Variants in PRKAR1B observed in about 807,000 individuals in gnomAD.
PRKAR1B encodes the protein cAMP-dependent protein kinase type I-beta regulatory subunit.
Under a neutral mutation model 46.5 loss-of-function variants are expected in PRKAR1B, and 22 were observed. The observed-to-expected ratio is 0.47, with a 90% CI of 0.34 to 0.68. The LOEUF is 0.68. Ranked by LOEUF, PRKAR1B falls within the 30% of genes least tolerant of loss-of-function variation. The pLI is 0.01. For synonymous variants in PRKAR1B, 259 were observed against 217.7 expected, an observed-to-expected ratio of 1.19 and a Z score of -1.67; for missense variants, 445 against 535.6, an observed-to-expected ratio of 0.83 and a Z score of 1.67.
intron 6 of PRKAR1B, among the ~76,000 whole-genome samples, chr7:604,289 ACT>A (rs1781860429): frequency 6.6e-6 from 1 of 151,956 alleles, no homozygotes; most frequent in African/African-American, 2.4e-5. Context: ...GCAGGAGATG[ACT>A]CTGCGGCCTG....
chr7:578,894 C>T, intron 9 of PRKAR1B: 1 of 501,010 alleles, frequency 2.0e-6, no homozygotes, highest in Non-Finnish European at 2.9e-6. Flanking sequence ...GTTGGCCAGG[C>T]TGGTCTCGAA....
At chr7:728,855 C>T (rs1013611141), upstream of PRKAR1B, among the ~76,000 whole-genome samples, 1 of 152,186 alleles carries the variant, frequency 6.6e-6, no homozygotes, top group East Asian at 1.9e-4. Context: ...CACCTCTGGT[C>T]TCGGTCACAC....
At chr7:706,254 A>C (rs989204486) in intron 2 of PRKAR1B, among the ~76,000 whole-genome samples, 7 of 152,170 alleles carry the variant, frequency 4.6e-5, no homozygotes, top group Middle Eastern at 3.4e-3. Flanking sequence ...TGAGCCTGAG[A>C]GGTGGAGGTT....
At position 549,631 on chromosome 7, in the gene PRKAR1B, A is replaced by G. The variant is rs1331790544; in HGVS notation, c.*799T>C. 6.6e-6 allele frequency: 1 copy of G among 151,992 alleles called. No individual in the cohort carries two copies. Among genetic ancestry groups the G allele is most frequent in the Non-Finnish European group, 1.5e-5 (1 of 68,058 alleles). 9.4% of individuals were successfully genotyped at this position (151,992 alleles called of 1,614,324 possible). ...GGCTTGACTTCTGCTTTCCCCCAAC[A>G]TCAACTTGCCCTGGGTGGACTTTCT... On this transcript the variant is annotated 3_prime_UTR_variant, in exon 11 of 11. Coordinates refer to ENST00000537384, the MANE Select transcript of PRKAR1B (RefSeq NM_001164760.2).
intron 4 of PRKAR1B, among the ~76,000 whole-genome samples, chr7:638,399 C>T (rs1639486804): frequency 1.3e-5 from 2 of 152,156 alleles, no homozygotes; most frequent in South Asian, 2.1e-4. Context: ...GCTGACAGAT[C>T]GTCCCCCGGG....
intron 9 of PRKAR1B, among the ~76,000 whole-genome samples, chr7:552,975 A>G (rs931068894): frequency 6.6e-6 from 1 of 152,242 alleles, no homozygotes; most frequent in Non-Finnish European, 1.5e-5. Flanking sequence ...GCAGCATATC[A>G]CAGGGCACCG....
intron 2 of PRKAR1B, among the ~76,000 whole-genome samples, chr7:683,493 C>T (rs752698828): frequency 6.6e-6 from 1 of 152,162 alleles, no homozygotes; most frequent in Admixed American, 6.5e-5. Context: ...TGGCTTCCTG[C>T]GGACTCTGTA....
At chr7:657,622 T>G (rs1250988156) in intron 4 of PRKAR1B, among the ~76,000 whole-genome samples, 1 of 152,174 alleles carries the variant, frequency 6.6e-6, no homozygotes, top group Admixed American at 6.5e-5. Context: ...GGCGCCGTTT[T>G]GGGCAGTCTG....
At chr7:690,683 A>C (rs1391168334) in intron 2 of PRKAR1B, among the ~76,000 whole-genome samples, 1 of 152,106 alleles carries the variant, frequency 6.6e-6, no homozygotes, top group African/African-American at 2.4e-5. Context: ...AATAAATAAC[A>C]AGTCCCAGAA....
chr7:659,403 C>T (rs1460125518), intron 4 of PRKAR1B, among the ~76,000 whole-genome samples: 1 of 152,194 alleles, frequency 6.6e-6, no homozygotes, highest in Non-Finnish European at 1.5e-5. Context: ...GCACTTCCAA[C>T]TGCCACATAT....
rs528310061 is a variant in PRKAR1B at position 580,367 on chromosome 7, A to T, written c.770-990T>A. 2.6e-4 allele frequency among the ~76,000 whole-genome samples: 40 copies of T among 151,934 alleles called. No homozygotes were observed. The South Asian group carries it at 5.4e-3, about 20-fold the overall frequency. On this transcript the variant is annotated intron_variant, in intron 8 of 10. Transcript: ENST00000537384. Reference sequence around the variant, plus strand: ...TCAGGAGTTCGAGACCAGCCTGGTCAACATGGCAAAACCCCATCTCTACTA... The same window carrying T: ...TCAGGAGTTCGAGACCAGCCTGGTCTACATGGCAAAACCCCATCTCTACTA...
intron 2 of PRKAR1B, among the ~76,000 whole-genome samples, chr7:699,993 C>T (rs1015044494): frequency 6.6e-6 from 1 of 151,926 alleles, no homozygotes; most frequent in East Asian, 1.9e-4. Flanking sequence ...GGGGAAGGGG[C>T]GGCAGGGAGA....
chr7:577,772 G>A (rs1052631035), intron 9 of PRKAR1B, among the ~76,000 whole-genome samples: 35 of 152,362 alleles, frequency 2.3e-4, no homozygotes, highest in Non-Finnish European at 1.0e-4. Context: ...CTTAGCCCAC[G>A]AGGGTTCTTG....
At chr7:656,444 A>AATGAATGAGTGG in intron 4 of PRKAR1B, among the ~76,000 whole-genome samples, 1 of 152,264 alleles carries the variant, frequency 6.6e-6, no homozygotes. Flanking sequence ...TAAGTGGGTG[A>AATGAATGAGTGG]ATGAATGAGT....
intron 3 of PRKAR1B, 130 bp downstream of exon 3, chr7:680,426 C>T (rs1321015706): frequency 5.2e-6 from 5 of 956,354 alleles, no homozygotes; most frequent in East Asian, 2.8e-5. Flanking sequence ...CCACATAGTC[C>T]TCCCTCCAAC....
chr7:716,345 C>G (rs984558458), intron 1 of PRKAR1B, among the ~76,000 whole-genome samples: 1 of 151,262 alleles, frequency 6.6e-6, no homozygotes, highest in Admixed American at 6.6e-5. Context: ...TATGAGCCAC[C>G]GCACCCGGTC....
In PRKAR1B at chr7:602,290, AG is replaced by A. The variant is rs67969471; in HGVS notation, c.549+3902del. Among the ~76,000 whole-genome samples the A allele has an allele frequency of 0.66, 92,593 of 140,112 alleles. 29,092 individuals are homozygous for A. The highest frequency in any genetic ancestry group is 0.84 in the South Asian group (3,907 of 4,644). 91.9% of individuals were successfully genotyped at this position (140,112 alleles called of 152,430 possible). On this transcript the variant is annotated intron_variant, in intron 6 of 10. Coordinates refer to ENST00000537384, the MANE Select transcript of PRKAR1B (RefSeq NM_001164760.2). The surrounding 1 kb of genome is among the most constrained non-coding windows in gnomAD (Gnocchi z 6.4). ...AGGAGTTACAGACGGCGGCGGGGGG[AG>A]GGGGGGTCTGTCCTGCTGGAAGGAC...
At chr7:612,750 C>A (rs1267936740) in intron 4 of PRKAR1B, among the ~76,000 whole-genome samples, 1 of 147,420 alleles carries the variant, frequency 6.8e-6, no homozygotes, top group African/African-American at 2.7e-5. Context: ...CATTTAGGAA[C>A]TTGAAGAAAC....
intron 4 of PRKAR1B, among the ~76,000 whole-genome samples, chr7:638,328 T>A (rs1320436058): frequency 6.6e-6 from 1 of 152,200 alleles, no homozygotes; most frequent in African/African-American, 2.4e-5. Flanking sequence ...AAGTTGGTGG[T>A]GAACACACCT....
Sources: gnomAD v4.1 joint callset for allele counts (sites outside exome capture counted in the v4.1 genomes callset) on GRCh38, gnomAD v4.1.1 for gene constraint, Gnocchi (gnomAD v3.1) non-coding constraint, MANE v1.5 for transcripts, NCBI Gene and HGNC (gene_info 2026-07-23, HGNC 2026-07-21) for gene names.